GPC6: variants seen among roughly 807,000 people sequenced by gnomAD.
GPC6 encodes glypican-6.
A neutral mutation model predicts 55.2 loss-of-function variants in GPC6; 14 were observed. That is an observed-to-expected ratio of 0.25 (90% CI 0.17 to 0.40). GPC6 has a LOEUF of 0.40. Among genes scored for constraint, GPC6 ranks in the 10% least tolerant of loss-of-function variants. The pLI, the probability that GPC6 is intolerant of heterozygous loss-of-function variation, is 1.00. For synonymous variants in GPC6, 278 were observed against 259.6 expected (o/e 1.07, Z -0.68); for missense variants, 641 against 708.5 (o/e 0.90, Z 1.08).
At chr13:94,316,008 T>A (rs1325364486) in intron 6 of GPC6, among the ~76,000 whole-genome samples, 2 of 152,140 alleles carry the variant, frequency 1.3e-5, no homozygotes, top group African/African-American at 4.8e-5. Context: ...CCCAAGACAA[T>A]TCCTCTTCTT....
At chr13:93,406,071 A>C (rs1251541287) in intron 1 of GPC6, among the ~76,000 whole-genome samples, 2 of 152,312 alleles carry the variant, frequency 1.3e-5, no homozygotes, top group East Asian at 3.9e-4. Context: ...GCATAGTGTC[A>C]CTTCTACATT....
At chr13:93,477,156 T>G (rs1032260613) in intron 1 of GPC6, among the ~76,000 whole-genome samples, 1 of 152,124 alleles carries the variant, frequency 6.6e-6, no homozygotes, top group Non-Finnish European at 1.5e-5. Context: ...TTAACATTAT[T>G]TATATTTAAA....
intron 1 of GPC6, among the ~76,000 whole-genome samples, chr13:93,506,892 T>A (rs868864414): frequency 6.9e-3 from 140 of 20,282 alleles, no homozygotes; most frequent in Admixed American, 0.011. Flanking sequence ...AAAAAGAAAA[T>A]ACAAAAAAAA....
chr13:93,690,159 G>A (rs1479153688), intron 2 of GPC6, among the ~76,000 whole-genome samples: 1 of 152,120 alleles, frequency 6.6e-6, no homozygotes, highest in African/African-American at 2.4e-5. Flanking sequence ...TAAGAATAGG[G>A]ATAAGTTTGC....
chr13:93,658,724 T>G (rs75938556), intron 2 of GPC6, among the ~76,000 whole-genome samples: 1 of 151,782 alleles, frequency 6.6e-6, no homozygotes, highest in East Asian at 1.9e-4. Context: ...TTACTAATAT[T>G]AAATATTATA....
chr13:94,039,061 G>T (rs556178114), intron 4 of GPC6, among the ~76,000 whole-genome samples: 1 of 151,926 alleles, frequency 6.6e-6, no homozygotes, highest in South Asian at 2.1e-4. Flanking sequence ...GTGACACCAG[G>T]GGGGGAAAAA....
chr13:94,395,998 G>T (rs980018258), intron 7 of GPC6, among the ~76,000 whole-genome samples: 6 of 152,226 alleles, frequency 3.9e-5, no homozygotes, highest in Non-Finnish European at 8.8e-5. Flanking sequence ...GGACTAAAGG[G>T]GTCAGGGCAT....
intron 2 of GPC6, among the ~76,000 whole-genome samples, chr13:93,644,790 A>G (rs1880105139): frequency 6.6e-6 from 1 of 151,442 alleles, no homozygotes; most frequent in Non-Finnish European, 1.5e-5. Context: ...AAATAAATAA[A>G]TAAATAAATA....
chr13:94,275,245 A>C (rs908164750), intron 4 of GPC6, among the ~76,000 whole-genome samples: 1 of 152,196 alleles, frequency 6.6e-6, no homozygotes, highest in Admixed American at 6.5e-5. Flanking sequence ...AATAACAAAT[A>C]TACATATAAT....
chr13:93,564,975 A>AAACAGGT, intron 2 of GPC6, among the ~76,000 whole-genome samples: 1 of 152,228 alleles, frequency 6.6e-6, no homozygotes, highest in Non-Finnish European at 1.5e-5. Context: ...GAAACCTTAG[A>AAACAGGT]TAGTAAAAAA....
chr13:94,309,940 T>C (rs1393503652), intron 6 of GPC6, among the ~76,000 whole-genome samples: 1 of 152,226 alleles, frequency 6.6e-6, no homozygotes, highest in Non-Finnish European at 1.5e-5. Context: ...GTTATGTTCC[T>C]TTATTCTTAA....
At chr13:93,611,486 G>C (rs1878459327) in intron 2 of GPC6, among the ~76,000 whole-genome samples, 1 of 152,080 alleles carries the variant, frequency 6.6e-6, no homozygotes, top group Non-Finnish European at 1.5e-5. Flanking sequence ...ACTCAGTACA[G>C]AGCCATAAAT....
chr13:93,926,589 C>T (rs1877870112), intron 3 of GPC6, among the ~76,000 whole-genome samples: 1 of 152,192 alleles, frequency 6.6e-6, no homozygotes, highest in Non-Finnish European at 1.5e-5. Flanking sequence ...CTGTGTGACA[C>T]ATATGTTTGA....
intron 2 of GPC6, among the ~76,000 whole-genome samples, chr13:93,636,716 G>A (rs1879716306): frequency 6.6e-6 from 1 of 152,158 alleles, no homozygotes; most frequent in South Asian, 2.1e-4. Flanking sequence ...GAGGAGGGCA[G>A]AAAACATTAA....
At chr13:93,336,719 C>T (rs980791084) in intron 1 of GPC6, among the ~76,000 whole-genome samples, 2 of 151,904 alleles carry the variant, frequency 1.3e-5, no homozygotes, top group East Asian at 3.9e-4. Flanking sequence ...ACTGTGACAC[C>T]GGGTGGCAAT....
At chr13:93,562,953 C>T (rs1875887384) in intron 2 of GPC6, among the ~76,000 whole-genome samples, 1 of 152,118 alleles carries the variant, frequency 6.6e-6, no homozygotes, top group Admixed American at 6.6e-5. Flanking sequence ...TACCTGTTAC[C>T]AAACCCTACT....
At chr13:94,212,249 T>G (rs1890102111) in intron 4 of GPC6, among the ~76,000 whole-genome samples, 1 of 152,210 alleles carries the variant, frequency 6.6e-6, no homozygotes, top group Admixed American at 6.5e-5. Context: ...TTTCTTTTCT[T>G]TCATCAATAT....
chr13:93,714,380 G>C (rs1199676334), intron 2 of GPC6, among the ~76,000 whole-genome samples: 1 of 151,830 alleles, frequency 6.6e-6, no homozygotes. Context: ...AAACCACAAT[G>C]AGATACCATC....
chr13:93,364,150 T>G (rs1184453456), intron 1 of GPC6, among the ~76,000 whole-genome samples: 1 of 152,194 alleles, frequency 6.6e-6, no homozygotes, highest in African/African-American at 2.4e-5. Flanking sequence ...TTAGATCCCA[T>G]TTGTCAATTT....
Sources: gnomAD v4.1 joint callset for allele counts (sites outside exome capture counted in the v4.1 genomes callset) on GRCh38, gnomAD v4.1.1 for gene constraint, MANE v1.5 for transcripts, NCBI Gene and HGNC (gene_info 2026-07-23, HGNC 2026-07-21) for gene names.